The following TBKBP1 variants were observed in gnomAD, a reference collection of about 807,000 sequenced individuals.
TBKBP1 encodes the protein TANK-binding kinase 1-binding protein 1.
A neutral mutation model predicts 69.9 loss-of-function variants in TBKBP1; 47 were observed. The ratio of observed to expected loss-of-function variants is 0.67; its 90% confidence interval spans 0.53 to 0.86. The LOEUF (loss-of-function observed/expected upper bound fraction) is 0.86, where lower values mean the gene tolerates loss of function less well. Among genes scored for constraint, TBKBP1 ranks in the 40% least tolerant of loss-of-function variants. The pLI is 0.00. For synonymous variants in TBKBP1, 418 were observed against 390.3 expected (o/e 1.07, Z -0.84); for missense variants, 831 against 858.6 (o/e 0.97, Z 0.40).
At position 47,696,280 on chromosome 17, in the gene TBKBP1, G is replaced by T; in HGVS notation, c.168G>T (p.Gly56=). 6.2e-7 allele frequency: 1 copy of T among 1,613,646 alleles called. No individual in the cohort carries two copies. The change falls in exon 2 of 10, where the codon GGG becomes GGT. Residue 56 remains glycine (G), a synonymous_variant. Coordinates refer to ENST00000578982, the MANE Select transcript of TBKBP1 (RefSeq NM_001394755.1). ...TAYGDIKERL[G]GLERENATLR... The stretch of plus-strand genomic sequence containing the variant: ...ACGGAGACATCAAGGAACGGCTGGG[G>T]GGCCTGGAGAGGGAGAACGCCACCC...
At chr17:47,705,776 A>G (rs2031674595) in intron 7 of TBKBP1, among the ~76,000 whole-genome samples, 2 of 152,166 alleles carry the variant, frequency 1.3e-5, no homozygotes, top group Admixed American at 6.5e-5. Flanking sequence ...AGAGACACCC[A>G]ATGAAGGGGG....
chr17:47,703,102 G>C (rs1319586584), intron 7 of TBKBP1, among the ~76,000 whole-genome samples: 1 of 152,100 alleles, frequency 6.6e-6, no homozygotes, highest in African/African-American at 2.4e-5. Flanking sequence ...TCTGGGAGAA[G>C]ATGGGGACTC....
chr17:47,699,476 TGCAGGAGACCCGGGCC>T lies in TBKBP1; in HGVS notation c.792_807del (p.Gln265ArgfsTer15). On this transcript the variant is annotated frameshift_variant, in exon 6 of 10. Transcript: ENST00000578982. LOFTEE classifies it high-confidence loss of function. ...CGGCTGCAGGGGGAGCTGAAGCAGC[TGCAGGAGACCCGGGCC>T]CAGGTAAATGCAGGGGCCTGGAACA... The T allele has an allele frequency of 6.3e-7, 1 of 1,577,480 alleles. No homozygotes were observed. Among genetic ancestry groups the T allele is most frequent in the Non-Finnish European group, 8.6e-7 (1 of 1,161,538 alleles).
At position 47,708,636 on chromosome 17, in the gene TBKBP1, C is replaced by A; in HGVS notation, c.992-89C>A. 7.0e-7 allele frequency: 1 copy of A among 1,419,064 alleles called. No homozygotes were observed. The highest frequency in any genetic ancestry group is 1.3e-5 in the South Asian group (1 of 74,888). The allele number at this position is 1,419,064 out of a possible 1,614,324, so 87.9% of individuals were successfully genotyped here. On this transcript the variant is annotated intron_variant, in intron 8 of 9. Transcript: ENST00000578982. This position sits in a 1 kb window ranked among gnomAD's most constrained non-coding sequence, Gnocchi z 4.4. ...TTTCCTGTGGCCTGGAGTTGGTGGG[C>A]ATGGGTCCGGGCAAGCCCCTGGCGC... is the stretch of plus-strand genomic sequence containing the variant.
chr17:47,697,488 G>A (rs1229432878), intron 4 of TBKBP1, among the ~76,000 whole-genome samples: 1 of 152,140 alleles, frequency 6.6e-6, no homozygotes, highest in Non-Finnish European at 1.5e-5. Flanking sequence ...TCACGCTGGG[G>A]TGACCCTGTG....
rs543086227 is a variant in TBKBP1 at position 47,700,165 on chromosome 17, A to G, written c.872+468A>G. 3.4e-5 allele frequency among the ~76,000 whole-genome samples: 5 copies of G among 149,022 alleles called. No homozygotes were observed. In the South Asian group the frequency reaches 1.1e-3, roughly 31 times the overall value. ...CTACGCCTGGCTAATTTTTTTTTGT[A>G]TTTTTAGTAGAGATGGGGTTTCACT... On this transcript the variant is annotated intron_variant, in intron 7 of 9. Coordinates refer to ENST00000578982, the MANE Select transcript of TBKBP1 (RefSeq NM_001394755.1).
Position 47,697,187 on chromosome 17 carries a change from G to A in TBKBP1, c.447G>A (p.Arg149=). 1.2e-6 allele frequency: 2 copies of A among 1,612,442 alleles called. No individual in the cohort carries two copies. The highest frequency in any genetic ancestry group is 1.7e-6 in the Non-Finnish European group (2 of 1,179,170). Residue 149 remains arginine (R), a synonymous_variant, in exon 4 of 10, where the codon AGG becomes AGA. Transcript: ENST00000578982. ...AGAGTGACTTGGAGACAGAGCTGAG[G>A]GAGATGGTGAGGCCTGGGGAGCCGG... is the stretch of plus-strand genomic sequence containing the variant. ...VEKSDLETEL[R]EMRALVETHL...
rs374476647 is a variant in TBKBP1 at position 47,696,221 on chromosome 17, T to G, written c.109T>G (p.Cys37Gly). ...AGACCCCTCGCTTGGGGGCGACATG[T>G]GCTCCGCCTCCCACTTTGCCCTCAT... The part of the protein sequence containing the change: ...PGDPSLGGDM[C>G]SASHFALITA... Residue 37 changes from cysteine (C) to glycine (G), a missense_variant, in exon 2 of 10, where the codon TGC (cysteine) becomes GGC (glycine). Transcript: ENST00000578982. The G allele has an allele frequency of 6.2e-7, 1 of 1,613,572 alleles. No homozygotes were observed. Among genetic ancestry groups the G allele is most frequent in the African/African-American group, 1.3e-5 (1 of 74,890 alleles).
intron 1 of TBKBP1, among the ~76,000 whole-genome samples, chr17:47,694,818 C>T (rs1467751413): frequency 3.3e-5 from 5 of 149,696 alleles, no homozygotes; most frequent in Non-Finnish European, 7.4e-5. Flanking sequence ...TACAAACGCG[C>T]GCACACACTC....
chr17:47,709,525 G>A (rs1021744156), intron 9 of TBKBP1, 73 bp downstream of exon 9: 2 of 1,414,506 alleles, frequency 1.4e-6, no homozygotes, highest in Non-Finnish European at 1.8e-6. Flanking sequence ...CTCACCCTCC[G>A]TTGAGGGCCT....
chr17:47,701,117 T>C (rs570914408), intron 7 of TBKBP1, among the ~76,000 whole-genome samples: 1 of 152,184 alleles, frequency 6.6e-6, no homozygotes, highest in African/African-American at 2.4e-5. Context: ...GCTTCTTCCT[T>C]ATCTGCCTCC....
intron 7 of TBKBP1, among the ~76,000 whole-genome samples, chr17:47,706,961 CTA>C (rs2143340111): frequency 6.6e-6 from 1 of 152,322 alleles, no homozygotes; most frequent in Non-Finnish European, 1.5e-5. Flanking sequence ...ATGTCCATCA[CTA>C]TGGGATGGGG....
At chr17:47,696,583 G>A (rs1037042292) in intron 2 of TBKBP1, 128 bp from the exon 3 acceptor site, 2 of 1,445,524 alleles carry the variant, frequency 1.4e-6, no homozygotes, top group African/African-American at 1.4e-5. Flanking sequence ...TGGGAATTGG[G>A]ATCCCACTAG....
rs1597965872 is a variant in TBKBP1, at chr17:47,705,714, T to C, written c.873-2680T>C. ...AATTGGCAGTGTTTTCAGTGAGTCA[T>C]TCAGGTCGTTAGCATCTTCAGCGGC... On this transcript the variant is annotated intron_variant, in intron 7 of 9. Transcript: ENST00000578982. Among the ~76,000 whole-genome samples the C allele has an allele frequency of 2.0e-5, 3 of 152,340 alleles. No individual in the cohort carries two copies. In the East Asian group the frequency reaches 5.8e-4, roughly 29 times the overall value.
At chr17:47,703,612 G>A (rs553673001) in intron 7 of TBKBP1, among the ~76,000 whole-genome samples, 1 of 152,032 alleles carries the variant, frequency 6.6e-6, no homozygotes, top group Admixed American at 6.6e-5. Context: ...TCATGCCAGC[G>A]CCCCCTCCCT....
At chr17:47,706,329 C>CA (rs2031694845) in intron 7 of TBKBP1, among the ~76,000 whole-genome samples, 1 of 152,160 alleles carries the variant, frequency 6.6e-6, no homozygotes, top group African/African-American at 2.4e-5. Flanking sequence ...CAGATGTCCT[C>CA]AGTCTGAAGG....
chr17:47,708,353 C>A lies in TBKBP1; in HGVS notation c.873-41C>A. ...TTCCTCCACAGCTGGGACGGTAGACCCACTGCCCTTCTCGTCTTTCCCACT... is the reference window on the plus strand; with the variant it reads ...TTCCTCCACAGCTGGGACGGTAGACACACTGCCCTTCTCGTCTTTCCCACT... On this transcript the variant is annotated intron_variant, in intron 7 of 9. Coordinates refer to ENST00000578982, the MANE Select transcript of TBKBP1 (RefSeq NM_001394755.1). The surrounding 1 kb of genome is among the most constrained non-coding windows in gnomAD (Gnocchi z 4.4). 6.2e-7 allele frequency: 1 copy of A among 1,603,774 alleles called. No homozygotes were observed. The highest frequency in any genetic ancestry group is 8.5e-7 in the Non-Finnish European group (1 of 1,171,228).
intron 4 of TBKBP1, 34 bp downstream of exon 4, chr17:47,697,227 G>A (rs1367983322): frequency 1.3e-6 from 2 of 1,576,464 alleles, no homozygotes; most frequent in Middle Eastern, 1.7e-4. Flanking sequence ...GCTTGAGGAT[G>A]TGTAGCTGGT....
At chr17:47,696,363 T>C (rs751545119) in intron 2 of TBKBP1, 26 bp downstream of exon 2, 1 of 1,606,162 alleles carries the variant, frequency 6.2e-7, no homozygotes, top group Non-Finnish European at 8.5e-7. Context: ...GGAGGGCGCC[T>C]GATAGAGTGT....
Sources: gnomAD v4.1 joint callset for allele counts (sites outside exome capture counted in the v4.1 genomes callset) on GRCh38, gnomAD v4.1.1 for gene constraint, Gnocchi (gnomAD v3.1) non-coding constraint, MANE v1.5 for transcripts, NCBI Gene and HGNC (gene_info 2026-07-23, HGNC 2026-07-21) for gene names.